Variants in MOGAT2 observed in about 807,000 individuals in gnomAD.
MOGAT2 encodes the protein 2-acylglycerol O-acyltransferase 2.
Under a neutral mutation model 31.5 loss-of-function variants are expected in MOGAT2, and 27 were observed. The ratio of observed to expected loss-of-function variants is 0.86; its 90% CI spans 0.63 to 1.18. MOGAT2 has a LOEUF of 1.18. Ranked by LOEUF, MOGAT2 falls within the 50% of genes most tolerant of loss-of-function variation. The probability of loss-of-function intolerance (pLI) is 0.00; values close to 1 mark genes in which losing one functional copy is unlikely to be tolerated. For missense variants in MOGAT2, 436 were observed against 433.2 expected (o/e 1.01, Z -0.06); for synonymous variants, 163 against 170.0 (o/e 0.96, Z 0.32).
Position 75,728,383 on chromosome 11 carries a change from T to A in MOGAT2, c.650+239T>A, listed in dbSNP as rs78383545. On this transcript the variant is annotated intron_variant, in intron 4 of 5. Coordinates refer to ENST00000198801, the MANE Select transcript of MOGAT2 (RefSeq NM_025098.4). ...GAACATATTCCACAAAGCTGGCATT[T>A]GATCTGAGATCTGTGGTATCTAGAA... The A allele has an allele frequency of 5.1e-4, 336 of 658,550 alleles. No individual in the cohort carries two copies. In the African/African-American group the frequency reaches 5.6e-3, roughly 11 times the overall value. 40.8% of individuals were successfully genotyped at this position (658,550 alleles called of 1,614,324 possible).
Position 75,718,092 on chromosome 11 carries a change from GC to G in MOGAT2, c.91+114del, listed in dbSNP as rs1043622096. The stretch of plus-strand genomic sequence containing the variant: ...TGGCAAGACATTTATCCTAAAGGGG[GC>G]TTTGTTGCGCTCAGAGCCCCTGCCC... On this transcript the variant is annotated intron_variant, in intron 1 of 5. Coordinates refer to ENST00000198801, the MANE Select transcript of MOGAT2 (RefSeq NM_025098.4). The G allele has an allele frequency of 5.6e-6, 6 of 1,074,604 alleles. No individual in the cohort carries two copies. The African/African-American group carries it at 7.8e-5, about 14-fold the overall frequency. 66.6% of individuals were successfully genotyped at this position (1,074,604 alleles called of 1,614,324 possible).
At position 75,720,192 on chromosome 11, in the gene MOGAT2, G is replaced by T. The variant is rs764207104; in HGVS notation, c.270+22G>T. On this transcript the variant is annotated intron_variant, in intron 2 of 5. Transcript: ENST00000198801. ...CTCGGTGAGTATTGAGGCTGGTTGG[G>T]GTTGGGGAGGGAGTTGGCTGGGGTG... 1.0e-5 allele frequency: 16 copies of T among 1,599,556 alleles called. No homozygotes were observed. The South Asian group carries it at 1.7e-4, about 17-fold the overall frequency.
intron 2 of MOGAT2, among the ~76,000 whole-genome samples, chr11:75,727,162 A>G (rs1025911264): frequency 2.0e-5 from 3 of 151,808 alleles, no homozygotes; most frequent in African/African-American, 7.3e-5. Flanking sequence ...AGGTCCAAAT[A>G]CTCTATTGCC....
intron 1 of MOGAT2, chr11:75,719,635 C>T (rs894555547): frequency 4.5e-6 from 1 of 221,964 alleles, no homozygotes; most frequent in Non-Finnish European, 8.9e-6. Flanking sequence ...TTTATCCAAC[C>T]AGTTGTCCCC....
At position 75,731,644 on chromosome 11, in the gene MOGAT2, A is replaced by T. The variant is rs980642584; in HGVS notation, c.*358A>T. On this transcript the variant is annotated 3_prime_UTR_variant, in exon 6 of 6. Transcript: ENST00000198801. Reference sequence around the variant, plus strand: ...TGCACACCTCACAAGCATCTCTTCTACTGCATTCTGTTGGTCGAAGCAAGT... The same window carrying T: ...TGCACACCTCACAAGCATCTCTTCTTCTGCATTCTGTTGGTCGAAGCAAGT... The T allele has an allele frequency of 5.4e-6, 1 of 186,404 alleles. No homozygotes were observed. The highest frequency in any genetic ancestry group is 5.9e-5 in the Admixed American group (1 of 16,862). 11.5% of individuals were successfully genotyped at this position (186,404 alleles called of 1,614,324 possible).
At chr11:75,720,986 T>A (rs183892437) in intron 2 of MOGAT2, among the ~76,000 whole-genome samples, 1 of 152,120 alleles carries the variant, frequency 6.6e-6, no homozygotes, top group East Asian at 1.9e-4. Context: ...CAGGCAGTGA[T>A]GGTTTATTGG....
chr11:75,718,979 TCTCA>T, intron 1 of MOGAT2, among the ~76,000 whole-genome samples: 1 of 150,062 alleles, frequency 6.7e-6, no homozygotes, highest in South Asian at 2.1e-4. Flanking sequence ...TCTCTCTCTC[TCTCA>T]CACACACACA....
At chr11:75,719,960 C>T (rs1390047455) in intron 1 of MOGAT2, 32 bp from the exon 2 acceptor site, 7 of 1,606,524 alleles carry the variant, frequency 4.4e-6, no homozygotes, top group Non-Finnish European at 5.9e-6. Context: ...TCTCAGACCC[C>T]TGTCCCTGAC....
chr11:75,721,168 G>A (rs139378277), intron 2 of MOGAT2, among the ~76,000 whole-genome samples: 2 of 152,256 alleles, frequency 1.3e-5, no homozygotes, highest in African/African-American at 4.8e-5. Flanking sequence ...CTGTATGATC[G>A]TAGGTAAGTT....
At chr11:75,719,340 G>A (rs1024596864) in intron 1 of MOGAT2, 1 of 152,400 alleles carries the variant, frequency 6.6e-6, no homozygotes, top group African/African-American at 2.4e-5. Context: ...GGTCACTGAA[G>A]GCAAAGGAAT....
chr11:75,718,031 G>C, intron 1 of MOGAT2, 52 bp downstream of exon 1: 1 of 1,540,752 alleles, frequency 6.5e-7, no homozygotes, highest in South Asian at 1.1e-5. Flanking sequence ...AGGTGGGGCA[G>C]AGCAGCCACA....
At chr11:75,730,914 C>CAAAAAAAA (rs767670159) in intron 5 of MOGAT2, 5 of 173,900 alleles carry the variant, frequency 2.9e-5, no homozygotes, top group African/African-American at 2.0e-4. Context: ...GACTCTACCT[C>CAAAAAAAA]AAAAAAAAAA....
At position 75,731,270 on chromosome 11, in the gene MOGAT2, A is replaced by G; in HGVS notation, c.989A>G (p.His330Arg). ...KLKFNIPADQ[H>R]LEFC ...AAGTTCAACATCCCTGCTGACCAGC[A>G]CTTGGAGTTCTGCTGAGCCCAAAGG... Residue 330 changes from histidine (H) to arginine (R), a missense_variant, in exon 6 of 6, where the codon CAC (histidine) becomes CGC (arginine). By Grantham distance (29) the His-to-Arg change is conservative. Coordinates refer to ENST00000198801, the MANE Select transcript of MOGAT2 (RefSeq NM_025098.4). 2 of 1,614,096 alleles carry G rather than the reference A, an allele frequency of 1.2e-6. No individual in the cohort carries two copies. Among genetic ancestry groups the G allele is most frequent in the Non-Finnish European group, 8.5e-7 (1 of 1,179,992 alleles).
At chr11:75,718,026 G>A (rs750802764) in intron 1 of MOGAT2, 47 bp downstream of exon 1, 2 of 1,564,808 alleles carry the variant, frequency 1.3e-6, no homozygotes, top group Admixed American at 1.7e-5. Flanking sequence ...CACTCAGGTG[G>A]GGCAGAGCAG....
At chr11:75,718,834 T>C (rs1332053016) in intron 1 of MOGAT2, among the ~76,000 whole-genome samples, 1 of 152,160 alleles carries the variant, frequency 6.6e-6, no homozygotes, top group Non-Finnish European at 1.5e-5. Flanking sequence ...GTTTTTCCTT[T>C]CATCTGCTGG....
chr11:75,725,529 C>G (rs992851755), intron 2 of MOGAT2, among the ~76,000 whole-genome samples: 2 of 147,430 alleles, frequency 1.4e-5, no homozygotes, highest in African/African-American at 5.1e-5. Flanking sequence ...GCCTGGGCAA[C>G]AGAGTGAGAC....
At chr11:75,722,635 G>T (rs1239425430) in intron 2 of MOGAT2, among the ~76,000 whole-genome samples, 2 of 152,256 alleles carry the variant, frequency 1.3e-5, no homozygotes, top group Non-Finnish European at 2.9e-5. Context: ...GAGGCCCTCA[G>T]GTCAGAGGGT....
In MOGAT2 at chr11:75,728,689, C is replaced by T. The variant is rs568097264; in HGVS notation, c.651-101C>T. On this transcript the variant is annotated intron_variant, in intron 4 of 5. Transcript: ENST00000198801. ...CAGCCCAGGTGGCTGACCTCTGCTC[C>T]ATTTCTTGGTCACTGAGTCCCTGCA... 8.4e-5 allele frequency: 86 copies of T among 1,029,454 alleles called. No homozygotes were observed. The African/African-American group carries it at 1.2e-3, about 14-fold the overall frequency. 63.8% of individuals were successfully genotyped at this position (1,029,454 alleles called of 1,614,324 possible). A position where few individuals can be genotyped will look rare whatever the true frequency, so the allele number is the denominator to read the frequency against.
intron 2 of MOGAT2, among the ~76,000 whole-genome samples, chr11:75,723,316 AC>A (rs1439357532): frequency 1.3e-5 from 2 of 151,932 alleles, no homozygotes; most frequent in Non-Finnish European, 2.9e-5. Flanking sequence ...CCTTTGCAGC[AC>A]CATCTGCCGA....
Sources: gnomAD v4.1 joint callset for allele counts (sites outside exome capture counted in the v4.1 genomes callset) on GRCh38, gnomAD v4.1.1 for gene constraint, MANE v1.5 for transcripts, NCBI Gene and HGNC (gene_info 2026-07-23, HGNC 2026-07-21) for gene names.